The following SPOCK1 variants were observed in gnomAD, a reference collection of about 807,000 sequenced individuals.
SPOCK1 encodes the protein SPARC (osteonectin), cwcv and kazal like domains proteoglycan 1.
A neutral mutation model predicts 55.3 loss-of-function variants in SPOCK1; 23 were observed. That is an observed-to-expected ratio of 0.42 (90% confidence interval 0.30 to 0.59). SPOCK1 has a LOEUF of 0.59. Ranked by LOEUF, SPOCK1 falls within the 20% of genes least tolerant of loss-of-function variation. SPOCK1 has a pLI of 0.22. For missense variants in SPOCK1, 499 were observed against 552.5 expected (o/e 0.90, Z 0.97); for synonymous variants, 226 against 221.0 (o/e 1.02, Z -0.20).
chr5:137,446,447 A>T (rs1408932517), intron 2 of SPOCK1, among the ~76,000 whole-genome samples: 7 of 152,184 alleles, frequency 4.6e-5, no homozygotes, highest in Non-Finnish European at 8.8e-5. Flanking sequence ...CCCAGAGGCA[A>T]AGGCAGTCTT....
intron 3 of SPOCK1, among the ~76,000 whole-genome samples, chr5:137,245,776 C>CA (rs143599362): frequency 0.56 from 79,329 of 140,536 alleles, 21,747 homozygotes; most frequent in Middle Eastern, 0.63. Context: ...CAAAACAAAA[C>CA]AAAAAAAAAA....
chr5:137,337,242 A>G (rs575335772), intron 2 of SPOCK1, among the ~76,000 whole-genome samples: 61 of 152,342 alleles, frequency 4.0e-4, no homozygotes, highest in African/African-American at 1.2e-3. Flanking sequence ...TTTGGCAGAT[A>G]CATCAAGCCT....
intron 2 of SPOCK1, among the ~76,000 whole-genome samples, chr5:137,349,931 T>A (rs1442415220): frequency 6.6e-6 from 1 of 152,112 alleles, no homozygotes; most frequent in African/African-American, 2.4e-5. Flanking sequence ...GACTTCAACA[T>A]CTCTTTTTGG....
chr5:137,236,590 T>C (rs1271296855), intron 3 of SPOCK1, among the ~76,000 whole-genome samples: 1 of 152,196 alleles, frequency 6.6e-6, no homozygotes, highest in East Asian at 1.9e-4. Context: ...CCAGGTTTCT[T>C]TGAGCTCTAC....
intron 3 of SPOCK1, 46 bp downstream of exon 3, chr5:137,266,964 C>T: frequency 6.5e-7 from 1 of 1,549,072 alleles, no homozygotes; most frequent in Non-Finnish European, 8.9e-7. Context: ...AAAAATGAGA[C>T]CACATTTACC....
chr5:137,447,758 A>C (rs1192692960), intron 2 of SPOCK1, among the ~76,000 whole-genome samples: 1 of 152,226 alleles, frequency 6.6e-6, no homozygotes, highest in East Asian at 1.9e-4. Context: ...AGAAATGACT[A>C]GGATTCAATC....
intron 2 of SPOCK1, among the ~76,000 whole-genome samples, chr5:137,324,381 T>C (rs1420905452): frequency 6.6e-6 from 1 of 151,714 alleles, no homozygotes; most frequent in Non-Finnish European, 1.5e-5. Context: ...GGAGGCAGAG[T>C]TTGCAGTGAG....
intron 2 of SPOCK1, among the ~76,000 whole-genome samples, chr5:137,384,525 T>G (rs1485698714): frequency 1.3e-5 from 2 of 151,204 alleles, no homozygotes; most frequent in Non-Finnish European, 2.9e-5. Context: ...CATACATGCA[T>G]GCATGCATAT....
intron 6 of SPOCK1, among the ~76,000 whole-genome samples, chr5:136,997,819 T>C (rs1459555582): frequency 6.6e-6 from 1 of 152,124 alleles, no homozygotes; most frequent in Non-Finnish European, 1.5e-5. Context: ...ATAACACCCA[T>C]CTCGTTCAGT....
chr5:137,271,395 AT>A (rs1756961615), intron 2 of SPOCK1, among the ~76,000 whole-genome samples: 1 of 148,744 alleles, frequency 6.7e-6, no homozygotes, highest in Non-Finnish European at 1.5e-5. Flanking sequence ...TATAATATAT[AT>A]TATTAAAGAT....
intron 5 of SPOCK1, among the ~76,000 whole-genome samples, chr5:137,071,437 G>A (rs918342229): frequency 1.3e-5 from 2 of 152,172 alleles, no homozygotes; most frequent in Non-Finnish European, 2.9e-5. Flanking sequence ...AAGGCAGCAG[G>A]ACTGGTCAGA....
At chr5:137,370,601 G>A in intron 2 of SPOCK1, among the ~76,000 whole-genome samples, 1 of 152,172 alleles carries the variant, frequency 6.6e-6, no homozygotes, top group African/African-American at 2.4e-5. Context: ...TGCGGCAACA[G>A]AAACACCCAA....
intron 4 of SPOCK1, among the ~76,000 whole-genome samples, chr5:137,123,210 G>A (rs906805072): frequency 5.9e-5 from 9 of 152,174 alleles, no homozygotes; most frequent in African/African-American, 2.2e-4. Context: ...AGAGGAGACG[G>A]AGCCCCAGAG....
In SPOCK1 at chr5:137,417,439, A is replaced by G. The variant is rs149365623; in HGVS notation, c.186+80934T>C. Among the ~76,000 whole-genome samples the G allele has an allele frequency of 3.2e-4, 49 of 151,480 alleles. 1 individual carries two copies. The highest frequency in any genetic ancestry group is 3.4e-3 in the Middle Eastern group (1 of 292). On this transcript the variant is annotated intron_variant, in intron 2 of 10. Transcript: ENST00000394945. ...ACAGAAGATGACTTTTGACATTCAC[A>G]TACACTGTGTAACCACCACACCAAT...
chr5:137,402,583 T>G (rs1268733013), intron 2 of SPOCK1, among the ~76,000 whole-genome samples: 1 of 152,162 alleles, frequency 6.6e-6, no homozygotes, highest in Admixed American at 6.5e-5. Context: ...CATGACGGTG[T>G]GAATGCTGGG....
chr5:137,270,380 A>T (rs1278898599), intron 2 of SPOCK1, among the ~76,000 whole-genome samples: 1 of 152,226 alleles, frequency 6.6e-6, no homozygotes, highest in African/African-American at 2.4e-5. Context: ...TAAGTTCAAT[A>T]GCTCCCATTA....
chr5:137,348,389 A>C (rs1435876495), intron 2 of SPOCK1, among the ~76,000 whole-genome samples: 1 of 151,618 alleles, frequency 6.6e-6, no homozygotes, highest in Non-Finnish European at 1.5e-5. Context: ...CAAGTGCATG[A>C]CCAAAATGGA....
chr5:137,303,076 A>T (rs1757634535), intron 2 of SPOCK1, among the ~76,000 whole-genome samples: 1 of 152,152 alleles, frequency 6.6e-6, no homozygotes, highest in Non-Finnish European at 1.5e-5. Flanking sequence ...GTGCAAACTG[A>T]ATTGGAAGAA....
intron 2 of SPOCK1, among the ~76,000 whole-genome samples, chr5:137,362,724 C>T (rs190325755): frequency 6.6e-5 from 10 of 152,298 alleles, no homozygotes; most frequent in African/African-American, 2.4e-5. Flanking sequence ...GCAAAGACAG[C>T]TATAGATAAT....
Sources: allele counts gnomAD v4.1 joint callset (sites outside exome capture counted in the v4.1 genomes callset), GRCh38; gene constraint gnomAD v4.1.1; transcripts MANE v1.5; gene names NCBI Gene and HGNC (gene_info 2026-07-23, HGNC 2026-07-21).